Variants in THRB observed in about 807,000 individuals in gnomAD.
THRB encodes the protein thyroid hormone receptor beta.
A neutral mutation model predicts 47.8 loss-of-function variants in THRB; 12 were observed. The observed-to-expected ratio is 0.25, with a 90% CI of 0.16 to 0.41. The LOEUF is 0.41. Among genes scored for constraint, THRB ranks in the 10% least tolerant of loss-of-function variants. The probability of loss-of-function intolerance (pLI) is 1.00; values close to 1 mark genes in which losing one functional copy is unlikely to be tolerated. For synonymous variants in THRB, 218 were observed against 212.2 expected (o/e 1.03, Z -0.24); for missense variants, 348 against 589.2 (o/e 0.59, Z 4.24).
chr3:24,453,709 T>C (rs2072895494), intron 1 of THRB, among the ~76,000 whole-genome samples: 1 of 152,220 alleles, frequency 6.6e-6, no homozygotes, highest in African/African-American at 2.4e-5. Flanking sequence ...AACTCCTTAA[T>C]GTGGTCTCTA....
chr3:24,242,600 T>A (rs1465273220), intron 3 of THRB, among the ~76,000 whole-genome samples: 1 of 152,194 alleles, frequency 6.6e-6, no homozygotes, highest in African/African-American at 2.4e-5. Flanking sequence ...TATTTTTTTC[T>A]CAGCTGCTCC....
chr3:24,446,105 T>A (rs1294796762), intron 1 of THRB, among the ~76,000 whole-genome samples: 1 of 152,164 alleles, frequency 6.6e-6, no homozygotes. Flanking sequence ...ACACTGAATA[T>A]CAGAATAAAA....
chr3:24,404,616 C>T (rs2150115075), intron 1 of THRB, among the ~76,000 whole-genome samples: 1 of 151,760 alleles, frequency 6.6e-6, no homozygotes, highest in African/African-American at 2.4e-5. Flanking sequence ...TTTTCCTTTG[C>T]AAAAATTTAA....
At chr3:24,406,989 T>C (rs937699104) in intron 1 of THRB, among the ~76,000 whole-genome samples, 2 of 151,884 alleles carry the variant, frequency 1.3e-5, no homozygotes, top group Non-Finnish European at 1.5e-5. Context: ...CAAGACCAAT[T>C]ATGGAGCTTA....
At chr3:24,288,765 C>T (rs2055607304) in intron 3 of THRB, among the ~76,000 whole-genome samples, 1 of 152,178 alleles carries the variant, frequency 6.6e-6, no homozygotes, top group Non-Finnish European at 1.5e-5. Flanking sequence ...TAGTGGGTAG[C>T]AAGCAGTGCC....
At chr3:24,151,950 T>C (rs1447595241) in intron 6 of THRB, among the ~76,000 whole-genome samples, 1 of 152,166 alleles carries the variant, frequency 6.6e-6, no homozygotes, top group Admixed American at 6.5e-5. Flanking sequence ...AAAATGAGCA[T>C]ATTCACTCAG....
intron 8 of THRB, among the ~76,000 whole-genome samples, chr3:24,139,535 T>C (rs1350305002): frequency 6.6e-6 from 1 of 152,076 alleles, no homozygotes; most frequent in Non-Finnish European, 1.5e-5. Flanking sequence ...CAGGTGAGTA[T>C]CACCAAGCCT....
chr3:24,401,152 C>A (rs1577330399), intron 1 of THRB, among the ~76,000 whole-genome samples: 1 of 152,094 alleles, frequency 6.6e-6, no homozygotes, highest in Non-Finnish European at 1.5e-5. Flanking sequence ...TCAGTTTACA[C>A]CTGGCCTCTA....
At chr3:24,377,334 C>G (rs577247991) in intron 1 of THRB, among the ~76,000 whole-genome samples, 1 of 152,230 alleles carries the variant, frequency 6.6e-6, no homozygotes, top group South Asian at 2.1e-4. Flanking sequence ...ATAGGATGTC[C>G]TATTTCTTGG....
At chr3:24,241,805 A>G (rs1262939182) in intron 3 of THRB, among the ~76,000 whole-genome samples, 1 of 152,108 alleles carries the variant, frequency 6.6e-6, no homozygotes, top group Non-Finnish European at 1.5e-5. Flanking sequence ...CACCGCCTCT[A>G]TCCCAGACCT....
intron 1 of THRB, among the ~76,000 whole-genome samples, chr3:24,448,636 C>T (rs556531817): frequency 6.8e-4 from 104 of 152,196 alleles, no homozygotes; most frequent in African/African-American, 2.4e-3. Context: ...TAAACACAAC[C>T]CATTAAGTAC....
At chr3:24,300,391 A>G (rs936706004) in intron 2 of THRB, among the ~76,000 whole-genome samples, 1 of 152,174 alleles carries the variant, frequency 6.6e-6, no homozygotes, top group African/African-American at 2.4e-5. Context: ...CATACAGTAT[A>G]TAATATCCAT....
At chr3:24,232,065 G>A (rs1279703800) in intron 3 of THRB, among the ~76,000 whole-genome samples, 1 of 152,130 alleles carries the variant, frequency 6.6e-6, no homozygotes, top group African/African-American at 2.4e-5. Context: ...GTCAGGGAAG[G>A]GTTTTCAGTT....
At chr3:24,124,861 A>T (rs2032431903) in intron 10 of THRB, among the ~76,000 whole-genome samples, 2 of 152,338 alleles carry the variant, frequency 1.3e-5, no homozygotes, top group Admixed American at 1.3e-4. Flanking sequence ...TGCCAAATGC[A>T]CAATGTCTTG....
chr3:24,438,011 A>G (rs2071142769), intron 1 of THRB, among the ~76,000 whole-genome samples: 1 of 151,716 alleles, frequency 6.6e-6, no homozygotes, highest in Non-Finnish European at 1.5e-5. Context: ...AGGGCTTTAT[A>G]CTTTCCTAAT....
intron 4 of THRB, among the ~76,000 whole-genome samples, chr3:24,213,555 G>C (rs1191284289): frequency 6.6e-6 from 1 of 152,172 alleles, no homozygotes; most frequent in Non-Finnish European, 1.5e-5. Context: ...AGGATCTTCA[G>C]AAAAATCCTT....
intron 1 of THRB, among the ~76,000 whole-genome samples, chr3:24,437,148 A>G (rs2071048879): frequency 6.7e-6 from 1 of 148,552 alleles, no homozygotes; most frequent in Non-Finnish European, 1.5e-5. Flanking sequence ...ATTATATATA[A>G]TGAAATGTAT....
chr3:24,315,172 G>C (rs573336508), intron 2 of THRB, among the ~76,000 whole-genome samples: 4 of 152,266 alleles, frequency 2.6e-5, no homozygotes, highest in African/African-American at 9.6e-5. Context: ...TGATGGACAC[G>C]TCTTGACCCA....
At chr3:24,279,250 T>A (rs2150785710) in intron 3 of THRB, among the ~76,000 whole-genome samples, 1 of 152,310 alleles carries the variant, frequency 6.6e-6, no homozygotes, top group East Asian at 1.9e-4. Flanking sequence ...CATGTTCGCT[T>A]GCCTGAGAGA....
Sources: allele counts gnomAD v4.1 joint callset (sites outside exome capture counted in the v4.1 genomes callset), GRCh38; gene constraint gnomAD v4.1.1; transcripts MANE v1.5; gene names NCBI Gene and HGNC (gene_info 2026-07-23, HGNC 2026-07-21).